The following GRIK4 variants were observed in gnomAD, a reference collection of about 807,000 sequenced individuals.
GRIK4 encodes glutamate ionotropic receptor kainate type subunit 4.
GRIK4 carries 40 observed loss-of-function variants against 104.9 expected under a neutral mutation model. That is an observed-to-expected ratio of 0.38 (90% CI 0.30 to 0.50). GRIK4 has a LOEUF of 0.50. GRIK4 is among the 20% of genes least tolerant of loss of function. The pLI is 0.93. For synonymous variants in GRIK4, 485 were observed against 524.9 expected (o/e 0.92, Z 1.04); for missense variants, 1,047 against 1,308.1 (o/e 0.80, Z 3.08).
intron 11 of GRIK4, among the ~76,000 whole-genome samples, chr11:120,892,185 C>T (rs1003105213): frequency 1.3e-5 from 2 of 151,854 alleles, no homozygotes; most frequent in African/African-American, 2.4e-5. Flanking sequence ...TGCACTTGAA[C>T]GCGGGAGGAA....
At chr11:120,673,040 C>T (rs544703285) in intron 3 of GRIK4, among the ~76,000 whole-genome samples, 5 of 152,304 alleles carry the variant, frequency 3.3e-5, no homozygotes, top group East Asian at 1.9e-4. Context: ...TTTGCCCAGT[C>T]GGTATGATAT....
chr11:120,517,371 G>A (rs1486949679), intron 1 of GRIK4, among the ~76,000 whole-genome samples: 6 of 148,952 alleles, frequency 4.0e-5, no homozygotes, highest in Admixed American at 4.0e-4. Flanking sequence ...GCTCCTTGGT[G>A]CGATCCTCTC....
In GRIK4 at chr11:120,952,176, G is replaced by C. The variant is rs1411860413; in HGVS notation, c.1591-679G>C. On this transcript the variant is annotated intron_variant, in intron 14 of 20. Transcript: ENST00000527524. This position sits in a 1 kb window ranked among gnomAD's most constrained non-coding sequence, Gnocchi z 5.2. ...AGACTCATCCCTGGCCTTGCAACGT[G>C]TTTTCCCACGGTGCAGTGGAGTGAG... Among the ~76,000 whole-genome samples, 1 of 152,174 alleles carries C rather than the reference G, an allele frequency of 6.6e-6. No homozygotes were observed. Among genetic ancestry groups the C allele is most frequent in the Non-Finnish European group, 1.5e-5 (1 of 68,040 alleles).
intron 9 of GRIK4, chr11:120,868,024 T>C (rs1038789052): frequency 6.6e-6 from 1 of 152,272 alleles, no homozygotes. Flanking sequence ...TGGTATTATA[T>C]TGGGGGGTAG....
chr11:120,681,183 A>G (rs1950186545), intron 3 of GRIK4, among the ~76,000 whole-genome samples: 1 of 152,210 alleles, frequency 6.6e-6, no homozygotes, highest in Non-Finnish European at 1.5e-5. Context: ...ATCATCAAAA[A>G]GAAAGGGATT....
chr11:120,984,797 A>AAAC (rs113005281), intron 20 of GRIK4, among the ~76,000 whole-genome samples: 30,881 of 148,412 alleles, frequency 0.21, 3,354 homozygotes, highest in East Asian at 0.26. Flanking sequence ...ACAAACAAAC[A>AAAC]AAAATGCAGG....
chr11:120,593,093 G>A (rs1948755038), intron 1 of GRIK4, among the ~76,000 whole-genome samples: 1 of 148,650 alleles, frequency 6.7e-6, no homozygotes, highest in Non-Finnish European at 1.5e-5. Context: ...TGAGGTGGGA[G>A]AATCGCTTGA....
At chr11:120,633,389 C>A (rs750817483) in intron 1 of GRIK4, among the ~76,000 whole-genome samples, 1 of 152,158 alleles carries the variant, frequency 6.6e-6, no homozygotes, top group African/African-American at 2.4e-5. Context: ...GGACTCTCTG[C>A]AGACGCTGGC....
chr11:120,689,672 A>G (rs1190035864), intron 3 of GRIK4, among the ~76,000 whole-genome samples: 1 of 151,750 alleles, frequency 6.6e-6, no homozygotes. Context: ...CAGATCACAT[A>G]TCACCTCCTT....
chr11:120,901,910 G>C (rs1473130186), intron 12 of GRIK4, among the ~76,000 whole-genome samples: 1 of 152,202 alleles, frequency 6.6e-6, no homozygotes, highest in Non-Finnish European at 1.5e-5. Flanking sequence ...CCGGACACTG[G>C]TGTGTGAGGT....
intron 3 of GRIK4, among the ~76,000 whole-genome samples, chr11:120,773,208 C>A (rs966637477): frequency 1.3e-5 from 2 of 152,192 alleles, no homozygotes; most frequent in Non-Finnish European, 2.9e-5. Context: ...GCCTTTGTGT[C>A]TAGTCAGCCT....
intron 3 of GRIK4, among the ~76,000 whole-genome samples, chr11:120,757,273 C>T (rs1951670111): frequency 1.3e-5 from 2 of 152,226 alleles, no homozygotes; most frequent in Admixed American, 1.3e-4. Flanking sequence ...GCCAGGATAC[C>T]TGCCTTGGGG....
At chr11:120,872,577 G>T (rs1051414680) in intron 9 of GRIK4, 1 of 153,272 alleles carries the variant, frequency 6.5e-6, no homozygotes, top group African/African-American at 2.4e-5. Flanking sequence ...ATGTTGAGTC[G>T]CCAGTGATGG....
chr11:120,905,232 C>A lies in GRIK4; in HGVS notation c.1273-58C>A. 1 of 1,289,822 alleles carries A rather than the reference C, an allele frequency of 7.8e-7. No homozygotes were observed. Among genetic ancestry groups the A allele is most frequent in the Non-Finnish European group, 1.1e-6 (1 of 886,860 alleles). The allele number at this position is 1,289,822 out of a possible 1,614,324, so 79.9% of individuals were successfully genotyped here. On this transcript the variant is annotated intron_variant, in intron 12 of 20. Transcript: ENST00000527524. This position sits in a 1 kb window ranked among gnomAD's most constrained non-coding sequence, Gnocchi z 5.1. ...TCTGTGCCCCTGGCCCTCCCCATCA[C>A]ACGCGGGTGAGACACCAGGGCTAAG... is the stretch of plus-strand genomic sequence containing the variant.
intron 14 of GRIK4, among the ~76,000 whole-genome samples, chr11:120,941,556 A>C (rs1025113714): frequency 6.6e-6 from 1 of 152,130 alleles, no homozygotes; most frequent in Admixed American, 6.5e-5. Context: ...CCTCATTTGG[A>C]AGTAGGGTCT....
At chr11:120,673,140 A>C (rs1950047652) in intron 3 of GRIK4, among the ~76,000 whole-genome samples, 1 of 152,080 alleles carries the variant, frequency 6.6e-6, no homozygotes. Context: ...ATTCATCATC[A>C]TCTGACATAT....
chr11:120,710,198 A>C (rs1336053037), intron 3 of GRIK4, among the ~76,000 whole-genome samples: 1 of 142,844 alleles, frequency 7.0e-6, no homozygotes, highest in Non-Finnish European at 1.5e-5. Flanking sequence ...AGTAACTCGG[A>C]GAAATAGGTA....
chr11:120,548,681 T>A (rs1948110147), intron 1 of GRIK4, among the ~76,000 whole-genome samples: 1 of 152,034 alleles, frequency 6.6e-6, no homozygotes, highest in Admixed American at 6.5e-5. Context: ...CAGGGAAGAT[T>A]TCTGTGCCCT....
intron 3 of GRIK4, among the ~76,000 whole-genome samples, chr11:120,701,593 A>C (rs11604327): frequency 0.057 from 8,687 of 152,296 alleles, 360 homozygotes; most frequent in East Asian, 0.11. Flanking sequence ...AGGAGTGTGG[A>C]TATATTTACA....
Sources: allele counts gnomAD v4.1 joint callset (sites outside exome capture counted in the v4.1 genomes callset), GRCh38; gene constraint gnomAD v4.1.1; non-coding constraint Gnocchi (gnomAD v3.1); transcripts MANE v1.5; gene names NCBI Gene and HGNC (gene_info 2026-07-23, HGNC 2026-07-21).